The following C6orf89 variants were observed in gnomAD, a reference collection of about 807,000 sequenced individuals.
C6orf89 encodes bombesin receptor-activated protein C6orf89.
C6orf89 carries 29 observed loss-of-function variants against 40.7 expected under a neutral mutation model. The observed-to-expected ratio is 0.71, with a 90% confidence interval of 0.53 to 0.97. The LOEUF (loss-of-function observed/expected upper bound fraction) is 0.97, where lower values mean the gene tolerates loss of function less well. Ranked by LOEUF, C6orf89 falls within the 50% of genes least tolerant of loss-of-function variation. C6orf89 has a pLI of 0.00. For synonymous variants in C6orf89, 165 were observed against 152.2 expected (o/e 1.08, Z -0.62); for missense variants, 392 against 429.1 (o/e 0.91, Z 0.76).
rs147532784 is a variant in C6orf89, at chr6:36,925,996, T to G, written c.*2555T>G. ...ATTGAGCATTTACTAGGAAGTGACATGGCGATGACCTCTGTACATGAGTTA... is the reference window on the plus strand; with the variant it reads ...ATTGAGCATTTACTAGGAAGTGACAGGGCGATGACCTCTGTACATGAGTTA... On this transcript the variant is annotated 3_prime_UTR_variant, in exon 9 of 9. Transcript: ENST00000480824. The G allele has an allele frequency of 6.6e-6, 1 of 152,372 alleles. No homozygotes were observed. Among genetic ancestry groups the G allele is most frequent in the Non-Finnish European group, 1.5e-5 (1 of 68,046 alleles). The allele number at this position is 152,372 out of a possible 1,614,324, so 9.4% of individuals were successfully genotyped here. A position where few individuals can be genotyped will look rare whatever the true frequency, so the allele number is the denominator to read the frequency against.
chr6:36,919,374 C>G (rs551321811), intron 7 of C6orf89, among the ~76,000 whole-genome samples: 1 of 152,290 alleles, frequency 6.6e-6, no homozygotes, highest in Admixed American at 6.5e-5. Flanking sequence ...GGTCTTAGTA[C>G]CAAGAGATGC....
At chr6:36,883,975 A>G (rs1045678389), upstream of C6orf89, among the ~76,000 whole-genome samples, 9 of 152,336 alleles carry the variant, frequency 5.9e-5, no homozygotes, top group African/African-American at 2.2e-4. Flanking sequence ...ATTATAAACA[A>G]TTCTGGCCGG....
upstream of C6orf89, among the ~76,000 whole-genome samples, chr6:36,881,220 G>A (rs1403480879): frequency 6.6e-6 from 1 of 151,818 alleles, no homozygotes; most frequent in Non-Finnish European, 1.5e-5. Flanking sequence ...GAAAAAATAG[G>A]TTTACATGCA....
rs1762320595 is a variant in C6orf89, at chr6:36,916,339, CT to C, written c.696-105del. 2.9e-6 allele frequency: 4 copies of C among 1,361,596 alleles called. No homozygotes were observed. The East Asian group carries it at 9.2e-5, about 31-fold the overall frequency. The allele number at this position is 1,361,596 out of a possible 1,614,324, so 84.3% of individuals were successfully genotyped here. The stretch of plus-strand genomic sequence containing the variant: ...TAAGATACTGTACTCATATTTTTCC[CT>C]CTTTACCCACCGCCCACAGTTTTCC... On this transcript the variant is annotated intron_variant, in intron 6 of 8. Coordinates refer to ENST00000480824, the MANE Select transcript of C6orf89 (RefSeq NM_001286635.2).
chr6:36,908,866 G>A (rs1762019983), intron 4 of C6orf89, among the ~76,000 whole-genome samples: 1 of 152,134 alleles, frequency 6.6e-6, no homozygotes, highest in Admixed American at 6.5e-5. Flanking sequence ...GCATTCCTTG[G>A]CTGTGTCAGC....
At chr6:36,908,284 T>C (rs1761999190) in intron 4 of C6orf89, among the ~76,000 whole-genome samples, 1 of 144,408 alleles carries the variant, frequency 6.9e-6, no homozygotes. Flanking sequence ...CCTGGCCACC[T>C]CTGCTCCTGT....
intron 4 of C6orf89, among the ~76,000 whole-genome samples, chr6:36,913,499 T>G (rs1762197701): frequency 6.6e-6 from 1 of 152,200 alleles, no homozygotes; most frequent in Non-Finnish European, 1.5e-5. Flanking sequence ...CAAGGGTCTA[T>G]GCACACATCC....
rs369525703 is a variant in C6orf89 at position 36,903,008 on chromosome 6, C to T, written c.403+574C>T. Among the ~76,000 whole-genome samples the T allele has an allele frequency of 2.6e-5, 4 of 152,290 alleles. No individual in the cohort carries two copies. In the East Asian group the frequency reaches 5.8e-4, roughly 22 times the overall value. The stretch of plus-strand genomic sequence containing the variant: ...ACACATAAATTTAGTAACAGTGCAT[C>T]GGTGGCATAAGAATTCATAGTCTGA... On this transcript the variant is annotated intron_variant, in intron 4 of 8. Transcript: ENST00000480824.
chr6:36,885,770 G>C, upstream of C6orf89: 1 of 378,052 alleles, frequency 2.6e-6, no homozygotes, highest in East Asian at 3.8e-5. Context: ...AGCCAGAACG[G>C]AAGAAGGACG....
At chr6:36,901,772 G>T (rs930885567) in intron 3 of C6orf89, among the ~76,000 whole-genome samples, 1 of 151,416 alleles carries the variant, frequency 6.6e-6, no homozygotes, top group Non-Finnish European at 1.5e-5. Flanking sequence ...CCGGGTTCCC[G>T]CCATTCTCCG....
chr6:36,921,405 T>TA (rs1762504910), intron 8 of C6orf89, among the ~76,000 whole-genome samples: 1 of 152,176 alleles, frequency 6.6e-6, no homozygotes, highest in Non-Finnish European at 1.5e-5. Context: ...AATGGCACCA[T>TA]GACATGCAAG....
At position 36,916,000 on chromosome 6, in the gene C6orf89, C is replaced by G. The variant is rs371863941; in HGVS notation, c.696-445C>G. Among the ~76,000 whole-genome samples, 8 of 152,214 alleles carry G rather than the reference C, an allele frequency of 5.3e-5. No individual in the cohort carries two copies. In the East Asian group the frequency reaches 1.5e-3, roughly 29 times the overall value. On this transcript the variant is annotated intron_variant, in intron 6 of 8. Transcript: ENST00000480824. ...TTTCTTTAAATGTGCTGTTTGTTTG[C>G]GTGCTAGAGTGCCCAGTTGAACAAG...
intron 1 of C6orf89, chr6:36,874,843 C>G (rs998753521): frequency 1.8e-5 from 27 of 1,527,340 alleles, no homozygotes; most frequent in Middle Eastern, 1.7e-4. Flanking sequence ...GGACCCGTCG[C>G]TGCTGCACAC....
At chr6:36,877,336 T>C (rs1433176191) in intron 1 of C6orf89, among the ~76,000 whole-genome samples, 1 of 152,140 alleles carries the variant, frequency 6.6e-6, no homozygotes, top group East Asian at 1.9e-4. Flanking sequence ...TGTAGCAATT[T>C]TTTGTTTTTT....
intron 6 of C6orf89, among the ~76,000 whole-genome samples, chr6:36,915,243 A>G (rs1001232163): frequency 2.0e-5 from 3 of 152,184 alleles, no homozygotes; most frequent in Non-Finnish European, 4.4e-5. Flanking sequence ...TTTATTTCGA[A>G]GTATGCATTT....
intron 1 of C6orf89, 63 bp downstream of exon 1, chr6:36,886,091 C>G (rs1372695708): frequency 3.9e-6 from 3 of 777,670 alleles, no homozygotes; most frequent in Non-Finnish European, 5.2e-6. Context: ...TCGCCGCGCC[C>G]GTCTCTGACA....
chr6:36,899,441 A>C lies in C6orf89; in HGVS notation c.-4A>C. On this transcript the variant is annotated 5_prime_UTR_variant, in exon 3 of 9. Transcript: ENST00000480824. ...TCTCTCTCAGGGATTTTATATTGGA[A>C]GACATGGATCTTGCTGCCAACGAGA... The C allele has an allele frequency of 6.2e-7, 1 of 1,614,114 alleles. No homozygotes were observed. The highest frequency in any genetic ancestry group is 8.5e-7 in the Non-Finnish European group (1 of 1,180,010).
chr6:36,898,790 T>C (rs531516222), intron 2 of C6orf89, among the ~76,000 whole-genome samples: 10 of 152,092 alleles, frequency 6.6e-5, no homozygotes, highest in Admixed American at 1.3e-4. Flanking sequence ...TAAAATTGTA[T>C]TTGTAGAAAA....
Position 36,871,918 on chromosome 6 carries a change from G to A in C6orf89, c.-677G>A, listed in dbSNP as rs529480697. 3.7e-5 allele frequency: 55 copies of A among 1,496,170 alleles called. 1 individual carries two copies. The South Asian group carries it at 6.9e-4, about 19-fold the overall frequency. 92.7% of individuals were successfully genotyped at this position (1,496,170 alleles called of 1,614,324 possible). A position where few individuals can be genotyped will look rare whatever the true frequency, so the allele number is the denominator to read the frequency against. On this transcript the variant is annotated 5_prime_UTR_variant, in exon 1 of 10. Coordinates refer to the C6orf89 transcript ENST00000359359. The stretch of plus-strand genomic sequence containing the variant: ...AGCTCCAGTAAACAAAAAGGTCAGG[G>A]CAGACAGGAGTATTATGGAACTGCT...
Sources: allele counts gnomAD v4.1 joint callset (sites outside exome capture counted in the v4.1 genomes callset), GRCh38; gene constraint gnomAD v4.1.1; transcripts MANE v1.5; gene names NCBI Gene and HGNC (gene_info 2026-07-23, HGNC 2026-07-21).